The following NPAS3 variants were observed in gnomAD, a reference collection of about 807,000 sequenced individuals.
NPAS3 encodes the protein neuronal PAS domain-containing protein 3.
In NPAS3, 14 loss-of-function variants were observed where a neutral mutation model predicts 73.1. That is an observed-to-expected ratio of 0.19 (90% CI 0.13 to 0.30). The LOEUF is 0.30. Ranked by LOEUF, NPAS3 falls within the 10% of genes least tolerant of loss-of-function variation. The probability of loss-of-function intolerance (pLI) is 1.00; values close to 1 mark genes in which losing one functional copy is unlikely to be tolerated. For synonymous variants in NPAS3, 620 were observed against 541.5 expected (o/e 1.14, Z -2.01); for missense variants, 1,096 against 1,250.0 (o/e 0.88, Z 1.86).
chr14:33,748,114 GAATTA>G (rs1281177348), intron 7 of NPAS3, among the ~76,000 whole-genome samples: 1 of 152,086 alleles, frequency 6.6e-6, no homozygotes, highest in Non-Finnish European at 1.5e-5. Context: ...TTTAAAAAAT[GAATTA>G]ATTTATAAAT....
chr14:33,052,490 GA>G (rs1329497266), intron 1 of NPAS3, among the ~76,000 whole-genome samples: 4 of 152,064 alleles, frequency 2.6e-5, no homozygotes, highest in Admixed American at 2.0e-4. Flanking sequence ...AATACATTAA[GA>G]AAAAACCCTA....
At chr14:33,559,119 G>C (rs1314945534) in intron 4 of NPAS3, among the ~76,000 whole-genome samples, 4 of 152,138 alleles carry the variant, frequency 2.6e-5, no homozygotes, top group Non-Finnish European at 2.9e-5. Flanking sequence ...GGTTTTAGGA[G>C]TTACAGATGA....
intron 4 of NPAS3, among the ~76,000 whole-genome samples, chr14:33,496,211 C>G (rs916063009): frequency 6.6e-6 from 1 of 151,916 alleles, no homozygotes; most frequent in African/African-American, 2.4e-5. Context: ...AATTAATAGC[C>G]TACCAACCAA....
chr14:33,443,367 A>AATTTC (rs1342813002), intron 4 of NPAS3, among the ~76,000 whole-genome samples: 2 of 152,132 alleles, frequency 1.3e-5, no homozygotes, highest in Non-Finnish European at 1.5e-5. Context: ...GAGTTTTCTT[A>AATTTC]ATTTCATATT....
At chr14:33,640,343 C>T (rs2058643610) in intron 5 of NPAS3, among the ~76,000 whole-genome samples, 1 of 152,098 alleles carries the variant, frequency 6.6e-6, no homozygotes, top group African/African-American at 2.4e-5. Context: ...AGGCAAGTGG[C>T]CTGTAATATT....
At chr14:32,993,236 G>A (rs993034284) in intron 1 of NPAS3, among the ~76,000 whole-genome samples, 2 of 152,030 alleles carry the variant, frequency 1.3e-5, no homozygotes, top group Non-Finnish European at 2.9e-5. Context: ...AATGTCCATG[G>A]GCCCTTAAAG....
chr14:33,723,935 C>T (rs2061188840), intron 6 of NPAS3, among the ~76,000 whole-genome samples: 1 of 151,954 alleles, frequency 6.6e-6, no homozygotes, highest in Non-Finnish European at 1.5e-5. Flanking sequence ...CCTTGACTGC[C>T]AAAACTTAAA....
chr14:33,603,131 C>T (rs908004652), intron 5 of NPAS3, among the ~76,000 whole-genome samples: 1 of 152,094 alleles, frequency 6.6e-6, no homozygotes, highest in Non-Finnish European at 1.5e-5. Flanking sequence ...TACTACATTC[C>T]ACATGTTCAA....
chr14:33,637,635 A>C (rs2058558677), intron 5 of NPAS3, among the ~76,000 whole-genome samples: 1 of 152,222 alleles, frequency 6.6e-6, no homozygotes. Context: ...AATACATCTT[A>C]GGCAAGGTTT....
In NPAS3 at chr14:33,684,739, A is replaced by G. The variant is rs139764992; in HGVS notation, c.733+8354A>G. On this transcript the variant is annotated intron_variant, in intron 6 of 11. Transcript: ENST00000356141. ...GCCTCCCCAGCCAGGATCACAGCCA[A>G]CATCACCCGTGTACACTTGGACTCT... Among the ~76,000 whole-genome samples, 980 of 152,312 alleles carry G rather than the reference A, an allele frequency of 6.4e-3. 12 individuals are homozygous for G. Among genetic ancestry groups the G allele is most frequent in the Non-Finnish European group, 7.3e-3 (496 of 68,026 alleles).
At chr14:33,351,975 C>A (rs1313167789) in intron 3 of NPAS3, among the ~76,000 whole-genome samples, 4 of 151,984 alleles carry the variant, frequency 2.6e-5, no homozygotes, top group Non-Finnish European at 5.9e-5. Context: ...CAGCAAACCA[C>A]CATGGCATGT....
intron 4 of NPAS3, among the ~76,000 whole-genome samples, chr14:33,444,656 A>G (rs950191329): frequency 1.3e-5 from 2 of 152,222 alleles, no homozygotes; most frequent in Non-Finnish European, 2.9e-5. Flanking sequence ...GTCCATGTGG[A>G]TCGGCCTGGG....
At chr14:32,995,340 C>A (rs897786709) in intron 1 of NPAS3, among the ~76,000 whole-genome samples, 8 of 152,206 alleles carry the variant, frequency 5.3e-5, no homozygotes, top group African/African-American at 1.9e-4. Flanking sequence ...CATGGTATTT[C>A]TGCCTCCTAT....
intron 4 of NPAS3, among the ~76,000 whole-genome samples, chr14:33,518,528 C>T (rs1214231702): frequency 6.6e-6 from 1 of 151,810 alleles, no homozygotes; most frequent in African/African-American, 2.4e-5. Context: ...ATTGCAATGC[C>T]TCATCACTCT....
chr14:33,435,699 G>A (rs938480681), intron 4 of NPAS3, among the ~76,000 whole-genome samples: 5 of 152,046 alleles, frequency 3.3e-5, no homozygotes, highest in African/African-American at 1.2e-4. Context: ...TTTACCCAAG[G>A]GTGGAGACAG....
intron 5 of NPAS3, among the ~76,000 whole-genome samples, chr14:33,630,120 C>G (rs2058337445): frequency 6.6e-6 from 1 of 152,144 alleles, no homozygotes; most frequent in South Asian, 2.1e-4. Context: ...TACTTTGTCT[C>G]CCCACATGTA....
At chr14:32,939,160 C>A (rs373546553), upstream of NPAS3, 3,633 of 132,772 alleles carry the variant, frequency 0.027, 156 homozygotes, top group East Asian at 0.19. Context: ...GGCCACGGCC[C>A]CGGCCCCGGC....
intron 2 of NPAS3, among the ~76,000 whole-genome samples, chr14:33,182,463 AAAAC>A (rs1286981732): frequency 1.3e-5 from 2 of 152,344 alleles, no homozygotes; most frequent in Admixed American, 1.3e-4. Flanking sequence ...TTTAACCCCT[AAAAC>A]AAACTTAAAG....
chr14:33,769,751 T>TTTTTTG (rs1555330667), intron 7 of NPAS3, among the ~76,000 whole-genome samples: 1 of 115,762 alleles, frequency 8.6e-6, no homozygotes, highest in African/African-American at 3.6e-5. Flanking sequence ...TTGGATTTTT[T>TTTTTTG]TTTTCTTTTT....
Sources: gnomAD v4.1 joint callset for allele counts (sites outside exome capture counted in the v4.1 genomes callset) on GRCh38, gnomAD v4.1.1 for gene constraint, MANE v1.5 for transcripts, NCBI Gene and HGNC (gene_info 2026-07-23, HGNC 2026-07-21) for gene names.